Variants in KATNAL2 observed in about 807,000 individuals in gnomAD.
KATNAL2 encodes the protein katanin catalytic subunit A1 like 2.
KATNAL2 carries 52 observed loss-of-function variants against 76.3 expected under a neutral mutation model. The ratio of observed to expected loss-of-function variants is 0.68; its 90% confidence interval spans 0.55 to 0.86. The LOEUF (loss-of-function observed/expected upper bound fraction) is 0.86, where lower values mean the gene tolerates loss of function less well. Ranked by LOEUF, KATNAL2 falls within the 40% of genes least tolerant of loss-of-function variation. KATNAL2 has a pLI of 0.00. For synonymous variants in KATNAL2, 243 were observed against 244.2 expected (o/e 1.00, Z 0.05); for missense variants, 660 against 668.9 (o/e 0.99, Z 0.15).
At chr18:46,937,823 G>A (rs976197766) in intron 1 of KATNAL2, among the ~76,000 whole-genome samples, 1 of 152,208 alleles carries the variant, frequency 6.6e-6, no homozygotes. Flanking sequence ...TACTATGTGG[G>A]CCAGGCTCGG....
chr18:47,059,935 G>C (rs2061582827), intron 8 of KATNAL2, among the ~76,000 whole-genome samples: 1 of 151,776 alleles, frequency 6.6e-6, no homozygotes, highest in Non-Finnish European at 1.5e-5. Context: ...GTTCCCATCA[G>C]CTTAAAAATT....
At chr18:46,958,843 G>A (rs2059844072) in intron 3 of KATNAL2, among the ~76,000 whole-genome samples, 2 of 152,186 alleles carry the variant, frequency 1.3e-5, no homozygotes, top group Admixed American at 1.3e-4. Flanking sequence ...AACTGGAATT[G>A]ATCCACACAT....
chr18:47,054,417 G>T lies in KATNAL2; in HGVS notation c.311G>T (p.Arg104Ile), dbSNP rs2061416207. The change falls in exon 6 of 18, where the codon AGA (arginine) becomes ATA (isoleucine). Residue 104 changes from arginine (R) to isoleucine (I), a missense_variant. Coordinates refer to ENST00000683218, the MANE Select transcript of KATNAL2 (RefSeq NM_001387690.1). ...ACAGCAGAAAATAATTTACCGCAAA[G>T]AAGTAGAGGGAAGACCAGAAGGTAA... Reference protein sequence around the residue: ...SDTAENNLPQRSRGKTRRMMN... With the variant: ...SDTAENNLPQISRGKTRRMMN... The T allele has an allele frequency of 1.9e-6, 3 of 1,613,718 alleles. 1 individual carries two copies. The highest frequency in any genetic ancestry group is 2.2e-5 in the South Asian group (2 of 91,038).
intron 8 of KATNAL2, 34 bp from the exon 9 acceptor site, chr18:47,062,938 T>C (rs2061680808): frequency 6.6e-7 from 1 of 1,525,300 alleles, no homozygotes; most frequent in Non-Finnish European, 9.1e-7. Context: ...TCTCTTATGT[T>C]CTCATGGCAT....
At chr18:47,051,164 C>G (rs2061329852) in intron 4 of KATNAL2, among the ~76,000 whole-genome samples, 2 of 152,190 alleles carry the variant, frequency 1.3e-5, no homozygotes, top group African/African-American at 4.8e-5. Flanking sequence ...GCGGCTCCTC[C>G]TGCCAACCAC....
intron 1 of KATNAL2, among the ~76,000 whole-genome samples, chr18:46,922,056 G>T (rs898095832): frequency 1.3e-5 from 2 of 150,420 alleles, no homozygotes; most frequent in Non-Finnish European, 2.9e-5. Context: ...ACCAAAACTA[G>T]TATCAAGGAA....
rs140002180 is a variant in KATNAL2 at position 47,058,447 on chromosome 18, C to T, written c.450+95C>T. ...CATTTATTTATTTTTTGAGGACCTA[C>T]GCTTTTAAAATTGCTGTGTGATCTA... On this transcript the variant is annotated intron_variant, in intron 7 of 17. Transcript: ENST00000683218. The T allele has an allele frequency of 1.2e-4, 87 of 724,976 alleles. 1 individual carries two copies. In the East Asian group the frequency reaches 1.7e-3, roughly 14 times the overall value. 44.9% of individuals were successfully genotyped at this position (724,976 alleles called of 1,614,324 possible).
intron 15 of KATNAL2, among the ~76,000 whole-genome samples, chr18:47,087,299 A>G (rs2062816223): frequency 6.6e-6 from 1 of 152,348 alleles, no homozygotes; most frequent in Admixed American, 6.5e-5. Context: ...GAATCAACCT[A>G]AACGCCCATC....
chr18:47,056,785 G>A (rs1264725103), intron 6 of KATNAL2, among the ~76,000 whole-genome samples: 11 of 151,870 alleles, frequency 7.2e-5, no homozygotes, highest in Non-Finnish European at 1.6e-4. Context: ...CACAAGGATG[G>A]TGAGGCAAGT....
intron 3 of KATNAL2, 50 bp from the exon 4 acceptor site, chr18:47,046,407 A>G (rs1883052868): frequency 2.5e-6 from 3 of 1,208,654 alleles, no homozygotes; most frequent in South Asian, 1.3e-5. Flanking sequence ...TTGCCGTAGG[A>G]GCAGTGTTAT....
At chr18:46,922,804 A>C (rs2058609368) in intron 1 of KATNAL2, among the ~76,000 whole-genome samples, 1 of 151,188 alleles carries the variant, frequency 6.6e-6, no homozygotes, top group Non-Finnish European at 1.5e-5. Context: ...TCTCAAAAAT[A>C]AATAAATAAT....
At chr18:47,088,022 G>A (rs2062848525) in intron 15 of KATNAL2, among the ~76,000 whole-genome samples, 2 of 152,132 alleles carry the variant, frequency 1.3e-5, no homozygotes. Flanking sequence ...ATGACTCAGT[G>A]CCCTGCTGGG....
chr18:46,933,949 C>T (rs2059012753), intron 1 of KATNAL2, among the ~76,000 whole-genome samples: 1 of 150,044 alleles, frequency 6.7e-6, no homozygotes, highest in Non-Finnish European at 1.5e-5. Flanking sequence ...TTTCCAGTTT[C>T]ATCCATGTCC....
chr18:47,093,114 G>A (rs1247011065), intron 15 of KATNAL2, among the ~76,000 whole-genome samples: 1 of 151,994 alleles, frequency 6.6e-6, no homozygotes, highest in Admixed American at 6.6e-5. Flanking sequence ...TTGTTCTCCA[G>A]GTTTTGAAAT....
At chr18:47,041,636 C>T (rs1237665275) in intron 3 of KATNAL2, among the ~76,000 whole-genome samples, 1 of 152,166 alleles carries the variant, frequency 6.6e-6, no homozygotes, top group African/African-American at 2.4e-5. Context: ...TAAGTTTTGG[C>T]AATTATGAAT....
In KATNAL2 at chr18:47,061,238, G is replaced by C. The variant is rs540120868; in HGVS notation, c.549+1584G>C. On this transcript the variant is annotated intron_variant, in intron 8 of 17. Coordinates refer to ENST00000683218, the MANE Select transcript of KATNAL2 (RefSeq NM_001387690.1). ...GGCTGAGTAGTTTATAAAGAAAAGA[G>C]ATTTATTTGACTCATAGTTCTATAT... Among the ~76,000 whole-genome samples the C allele has an allele frequency of 3.3e-5, 5 of 152,302 alleles. No individual in the cohort carries two copies. The South Asian group carries it at 8.3e-4, about 25-fold the overall frequency.
At chr18:47,067,971 C>T (rs144202423) in intron 11 of KATNAL2, among the ~76,000 whole-genome samples, 37 of 152,318 alleles carry the variant, frequency 2.4e-4, no homozygotes, top group African/African-American at 8.9e-4. Context: ...CATGTGGCCT[C>T]CATCCTCTAG....
chr18:46,961,054 T>A (rs763786526), intron 3 of KATNAL2, among the ~76,000 whole-genome samples: 4 of 152,238 alleles, frequency 2.6e-5, no homozygotes, highest in African/African-American at 9.6e-5. Context: ...AAGGGCTACA[T>A]GCATTAGCTA....
chr18:47,090,057 G>C (rs1453585472), intron 15 of KATNAL2, among the ~76,000 whole-genome samples: 2 of 152,146 alleles, frequency 1.3e-5, no homozygotes, highest in African/African-American at 2.4e-5. Context: ...CAAAGTGCTG[G>C]CAAGTGCTGG....
Sources: allele counts gnomAD v4.1 joint callset (sites outside exome capture counted in the v4.1 genomes callset), GRCh38; gene constraint gnomAD v4.1.1; transcripts MANE v1.5; gene names NCBI Gene and HGNC (gene_info 2026-07-23, HGNC 2026-07-21).